Variants in KAZN observed in about 807,000 individuals in gnomAD.
KAZN encodes the protein kazrin, periplakin interacting protein, also known as kazrin.
KAZN carries 40 observed loss-of-function variants against 87.4 expected under a neutral mutation model. That is an observed-to-expected ratio of 0.46 (90% CI 0.36 to 0.60). The LOEUF is 0.60. Ranked by LOEUF, KAZN falls within the 20% of genes least tolerant of loss-of-function variation. KAZN has a pLI of 0.00. For missense variants in KAZN, 898 were observed against 1,073.9 expected (o/e 0.84, Z 2.29); for synonymous variants, 466 against 458.3 (o/e 1.02, Z -0.22).
chr1:14,452,674 G>C lies in KAZN; in HGVS notation c.250-146309G>C, dbSNP rs980782206. On this transcript the variant is annotated intron_variant, in intron 2 of 16. Coordinates refer to the KAZN transcript ENST00000636203. Reference sequence around the variant, plus strand: ...TGCCTAAACCTAGAAGACAGCCAGCGCAACAGCCTCACTCCTGGACTCTTC... The same window carrying C: ...TGCCTAAACCTAGAAGACAGCCAGCCCAACAGCCTCACTCCTGGACTCTTC... Among the ~76,000 whole-genome samples, 9 of 152,290 alleles carry C rather than the reference G, an allele frequency of 5.9e-5. No homozygotes were observed. The South Asian group carries it at 6.2e-4, about 11-fold the overall frequency.
At chr1:14,559,671 C>T (rs994783288) in intron 2 of KAZN, among the ~76,000 whole-genome samples, 6 of 152,194 alleles carry the variant, frequency 3.9e-5, no homozygotes. Context: ...TCAGAAAGCA[C>T]ATTTGTAGAC....
chr1:14,700,565 T>G (rs1176489311), intron 1 of KAZN, among the ~76,000 whole-genome samples: 3 of 152,052 alleles, frequency 2.0e-5, no homozygotes, highest in Non-Finnish European at 4.4e-5. Context: ...GTTTACTACT[T>G]AAGAAAATCA....
In KAZN at chr1:13,936,544, A is replaced by G. The variant is rs1001424193; in HGVS notation, c.91+42788A>G. On this transcript the variant is annotated intron_variant, in intron 1 of 16. Coordinates refer to the KAZN transcript ENST00000636203. ...TCCCTCCCACTCTTCCACCTTTTGG[A>G]GTCTCCAAGGTCTGTTTTCCCACTG... 2.0e-5 allele frequency among the ~76,000 whole-genome samples: 3 copies of G among 152,272 alleles called. No homozygotes were observed. The South Asian group carries it at 6.2e-4, about 32-fold the overall frequency.
intron 2 of KAZN, among the ~76,000 whole-genome samples, chr1:14,234,409 T>TTGG (rs1553148364): frequency 7.2e-6 from 1 of 139,076 alleles, no homozygotes; most frequent in Admixed American, 7.2e-5. Context: ...TGTTAGGGGA[T>TTGG]GGGGGGCTAG....
intron 2 of KAZN, among the ~76,000 whole-genome samples, chr1:14,285,201 T>G (rs189955138): frequency 6.6e-6 from 1 of 152,348 alleles, no homozygotes; most frequent in Admixed American, 6.5e-5. Flanking sequence ...TGGGAGAATT[T>G]AGTAAAACCA....
At chr1:14,050,973 C>T (rs903494844) in intron 1 of KAZN, among the ~76,000 whole-genome samples, 2 of 152,142 alleles carry the variant, frequency 1.3e-5, no homozygotes, top group African/African-American at 4.8e-5. Context: ...TAAGAGAAAT[C>T]GAGCCAGATA....
chr1:14,390,822 A>G (rs563731651), intron 2 of KAZN: 66 of 152,328 alleles, frequency 4.3e-4, no homozygotes, highest in African/African-American at 1.4e-3. Flanking sequence ...AACAGCATTA[A>G]TCCTACCCCT....
At chr1:14,569,319 G>GTTTTTTTTT (rs1557806268) in intron 2 of KAZN, among the ~76,000 whole-genome samples, 4 of 73,304 alleles carry the variant, frequency 5.5e-5, no homozygotes, top group Admixed American at 1.7e-4. Flanking sequence ...TACTTCCTCT[G>GTTTTTTTTT]CTTTTTTTTT....
chr1:14,778,093 T>C (rs1046270570), intron 1 of KAZN, among the ~76,000 whole-genome samples: 7 of 152,012 alleles, frequency 4.6e-5, no homozygotes, highest in Non-Finnish European at 8.8e-5. Flanking sequence ...TGAAAAAGAG[T>C]GCCTTAACCT....
chr1:13,969,090 C>T (rs2884822), intron 1 of KAZN, among the ~76,000 whole-genome samples: 63,337 of 151,524 alleles, frequency 0.42, 13,465 homozygotes, highest in East Asian at 0.64. Context: ...TGCCATGTGC[C>T]GAGGAGTCTT....
intron 2 of KAZN, among the ~76,000 whole-genome samples, chr1:14,516,850 A>G (rs1301580077): frequency 1.3e-5 from 2 of 151,916 alleles, no homozygotes; most frequent in Non-Finnish European, 2.9e-5. Flanking sequence ...CAATTTCTGC[A>G]CATAGACTTT....
In KAZN at chr1:14,808,709, A is replaced by G. The variant is rs529273653; in HGVS notation, c.227-151975A>G. On this transcript the variant is annotated intron_variant, in intron 1 of 14. Transcript: ENST00000376030. ...TATTATTACAAAAAGAAATTATAATATATTATTTGAGATACTTTGGGCCAC... is the reference window on the plus strand; with the variant it reads ...TATTATTACAAAAAGAAATTATAATGTATTATTTGAGATACTTTGGGCCAC... 4.6e-5 allele frequency among the ~76,000 whole-genome samples: 7 copies of G among 152,290 alleles called. No individual in the cohort carries two copies. In the South Asian group the frequency reaches 1.4e-3, roughly 32 times the overall value.
chr1:14,617,966 C>T (rs951730925), intron 1 of KAZN, among the ~76,000 whole-genome samples: 21 of 152,206 alleles, frequency 1.4e-4, no homozygotes, highest in Admixed American at 8.5e-4. Context: ...GTCTTATCTC[C>T]GACAGCTCAT....
At position 14,099,168 on chromosome 1, in the gene KAZN, AG is replaced by A. The variant is rs575864414; in HGVS notation, c.92-81264del. Among the ~76,000 whole-genome samples, 680 of 152,260 alleles carry A rather than the reference AG, an allele frequency of 4.5e-3. 4 individuals are homozygous for A. The highest frequency in any genetic ancestry group is 7.4e-3 in the Non-Finnish European group (504 of 68,016). On this transcript the variant is annotated intron_variant, in intron 1 of 16. Coordinates refer to the KAZN transcript ENST00000636203. ...GACAAATGGAGGGGAATAAGGAATC[AG>A]GGCCCTTTGCTAGATAACTGGAGCT...
At chr1:14,205,900 A>AAAAAAC (rs1646732248) in intron 2 of KAZN, among the ~76,000 whole-genome samples, 1 of 57,608 alleles carries the variant, frequency 1.7e-5, no homozygotes, top group East Asian at 4.9e-4. Context: ...AAAAAAAAAA[A>AAAAAAC]AAAAAAGCTA....
chr1:14,327,363 C>T (rs1346050979), intron 2 of KAZN, among the ~76,000 whole-genome samples: 2 of 152,058 alleles, frequency 1.3e-5, no homozygotes, highest in African/African-American at 2.4e-5. Context: ...GCTTATTAGT[C>T]CCCCCACACG....
At chr1:14,800,891 G>A (rs1213804647) in intron 1 of KAZN, among the ~76,000 whole-genome samples, 3 of 152,024 alleles carry the variant, frequency 2.0e-5, no homozygotes, top group Non-Finnish European at 2.9e-5. Context: ...GAGGGGAAGT[G>A]GGGAGTGACT....
intron 1 of KAZN, among the ~76,000 whole-genome samples, chr1:14,031,678 C>T (rs897814585): frequency 6.6e-6 from 1 of 152,156 alleles, no homozygotes; most frequent in African/African-American, 2.4e-5. Context: ...ACACATCCCA[C>T]GTTGTAATTT....
intron 1 of KAZN, chr1:14,929,872 A>G (rs1225091681): frequency 3.0e-6 from 3 of 985,346 alleles, no homozygotes; most frequent in Non-Finnish European, 3.6e-6. Context: ...GCTTCTATGA[A>G]GGTGGGGACT....
Sources: allele counts gnomAD v4.1 joint callset (sites outside exome capture counted in the v4.1 genomes callset), GRCh38; gene constraint gnomAD v4.1.1; transcripts MANE v1.5; gene names NCBI Gene and HGNC (gene_info 2026-07-23, HGNC 2026-07-21).